Variants in HSPA4 observed in about 807,000 individuals in gnomAD.
HSPA4 encodes heat shock 70 kDa protein 4.
In HSPA4, 25 loss-of-function variants were observed where a neutral mutation model predicts 106.2. The ratio of observed to expected loss-of-function variants is 0.24; its 90% CI spans 0.17 to 0.33. HSPA4 has a LOEUF of 0.33. Ranked by LOEUF, HSPA4 falls within the 10% of genes least tolerant of loss-of-function variation. The probability of loss-of-function intolerance (pLI) is 1.00; values close to 1 mark genes in which losing one functional copy is unlikely to be tolerated. For synonymous variants in HSPA4, 332 were observed against 333.6 expected (o/e 1.00, Z 0.05); for missense variants, 841 against 996.0 (o/e 0.84, Z 2.10).
intron 1 of HSPA4, 86 bp downstream of exon 1, chr5:133,052,443 C>G (rs1765093201): frequency 1.1e-6 from 1 of 948,360 alleles, no homozygotes; most frequent in Non-Finnish European, 1.5e-6. Flanking sequence ...TTGGGGAACG[C>G]GGGCCGAGGA....
intron 6 of HSPA4, 66 bp downstream of exon 6, chr5:133,074,192 A>G (rs1376732595): frequency 6.2e-6 from 7 of 1,120,802 alleles, no homozygotes; most frequent in East Asian, 5.1e-5. Flanking sequence ...TTGAGAGACA[A>G]TGATTTTTTC....
Position 133,102,913 on chromosome 5 carries a change from C to CTTTTTTTTTTTTTTTTTTT in HSPA4, c.2158-935_2158-934insTTTTTTTTTTTTTTTTTTT, listed in dbSNP as rs533273263. On this transcript the variant is annotated intron_variant, in intron 17 of 18. Coordinates refer to ENST00000304858, the MANE Select transcript of HSPA4 (RefSeq NM_002154.4). ...TACCACCACACCCAACTAGGGTTGT[C>CTTTTTTTTTTTTTTTTTTT]TTTTTTTTTTTTTTTTTGAGATGGC... Among the ~76,000 whole-genome samples, 16 of 103,302 alleles carry CTTTTTTTTTTTTTTTTTTT rather than the reference C, an allele frequency of 1.5e-4. 2 individuals are homozygous for CTTTTTTTTTTTTTTTTTTT. The highest frequency in any genetic ancestry group is 3.4e-4 in the African/African-American group (8 of 23,266). The allele number at this position is 103,302 out of a possible 152,430, so 67.8% of individuals were successfully genotyped here. A position where few individuals can be genotyped will look rare whatever the true frequency, so the allele number is the denominator to read the frequency against.
chr5:133,088,153 A>G (rs1383778643), intron 8 of HSPA4, among the ~76,000 whole-genome samples: 1 of 152,116 alleles, frequency 6.6e-6, no homozygotes, highest in Non-Finnish European at 1.5e-5. Flanking sequence ...ACTGCAGTAC[A>G]TTTGAGGATT....
rs1345868345 is a variant in HSPA4, at chr5:133,091,304, T to C, written c.1490T>C (p.Leu497Ser). The change falls in exon 12 of 19, where the codon TTA becomes TCA. Residue 497 changes from leucine (L) to serine (S), a missense_variant. This residue lies in a region of HSPA4 where 162 missense variants were observed against 177.7 expected (regional missense o/e 0.91). Coordinates refer to ENST00000304858, the MANE Select transcript of HSPA4 (RefSeq NM_002154.4). Reference protein sequence around the residue: ...HGIFSVSSASLVEVHKSEENE... With the variant: ...HGIFSVSSASSVEVHKSEENE... ...ATTTTCAGTGTGTCCAGTGCATCTT[T>C]AGTGGAGGTTCACAAGTCTGAGGAA... 2 of 1,614,036 alleles carry C rather than the reference T, an allele frequency of 1.2e-6. No homozygotes were observed. The highest frequency in any genetic ancestry group is 1.1e-5 in the South Asian group (1 of 91,078).
In HSPA4 at chr5:133,104,833, G is replaced by A. The variant is rs1318246015; in HGVS notation, c.*397G>A. 5.0e-6 allele frequency: 1 copy of A among 200,024 alleles called. No individual in the cohort carries two copies. Among genetic ancestry groups the A allele is most frequent in the African/African-American group, 2.4e-5 (1 of 41,974 alleles). 12.4% of individuals were successfully genotyped at this position (200,024 alleles called of 1,614,324 possible). ...AATTATGCTTTAAAAATCTGTTGTG[G>A]AGATTGCTTTAAATGCTCCCTGCCT... On this transcript the variant is annotated 3_prime_UTR_variant, in exon 19 of 19. Transcript: ENST00000304858.
intron 7 of HSPA4, among the ~76,000 whole-genome samples, chr5:133,080,958 A>T (rs1204976122): frequency 6.6e-6 from 1 of 152,218 alleles, no homozygotes; most frequent in East Asian, 1.9e-4. Flanking sequence ...TTATCACCCC[A>T]AAAAGAAAAC....
At chr5:133,082,960 C>T (rs1256803602) in intron 7 of HSPA4, among the ~76,000 whole-genome samples, 1 of 151,778 alleles carries the variant, frequency 6.6e-6, no homozygotes, top group Non-Finnish European at 1.5e-5. Context: ...TATGGTGAAA[C>T]CCCATCTCTA....
rs1423586763 is a variant in HSPA4 at position 133,105,744 on chromosome 5, A to G, written c.*1308A>G. 1 of 152,184 alleles carries G rather than the reference A, an allele frequency of 6.6e-6. No homozygotes were observed. Among genetic ancestry groups the G allele is most frequent in the African/African-American group, 2.4e-5 (1 of 41,438 alleles). 9.4% of individuals were successfully genotyped at this position (152,184 alleles called of 1,614,324 possible). A position where few individuals can be genotyped will look rare whatever the true frequency, so the allele number is the denominator to read the frequency against. ...AGTGCCTCTCTGTTACTTTTGGCCT[A>G]TGTTGTTAGAAATAAGATGCTATCT... On this transcript the variant is annotated 3_prime_UTR_variant, in exon 19 of 19. Coordinates refer to ENST00000304858, the MANE Select transcript of HSPA4 (RefSeq NM_002154.4).
At position 133,067,548 on chromosome 5, in the gene HSPA4, A is replaced by G. The variant is rs775112731; in HGVS notation, c.297A>G (p.Thr99=). The change falls in exon 3 of 19, where the codon ACA becomes ACG. Residue 99 remains threonine, a synonymous_variant. Transcript: ENST00000304858. ...TTGTGCAGTTGCCTACAGGATTAAC[A>G]GGTATAAAGGTAAGGTTGTCAGGTT... ...YDIVQLPTGL[T]GIKVTYMEEE... 82 of 1,611,536 alleles carry G rather than the reference A, an allele frequency of 5.1e-5. No homozygotes were observed. Among genetic ancestry groups the G allele is most frequent in the Non-Finnish European group, 6.8e-5 (80 of 1,178,982 alleles).
chr5:133,070,464 C>G lies in HSPA4; in HGVS notation c.397C>G (p.Leu133Val). The G allele has an allele frequency of 6.2e-7, 1 of 1,613,750 alleles. No homozygotes were observed. Among genetic ancestry groups the G allele is most frequent in the Non-Finnish European group, 8.5e-7 (1 of 1,179,856 alleles). The change falls in exon 4 of 19, where the codon CTT becomes GTT. Residue 133 changes from leucine to valine, a missense_variant. Physicochemically the swap from Leu to Val is conservative, Grantham distance 32. Transcript: ENST00000304858. Reference protein sequence around the residue: ...SKLKETAESVLKKPVVDCVVS... With the variant: ...SKLKETAESVVKKPVVDCVVS... Reference sequence around the variant, plus strand: ...ACTGAAGGAGACAGCCGAAAGTGTTCTTAAGAAGCCTGTAGTTGACTGTGT... The same window carrying G: ...ACTGAAGGAGACAGCCGAAAGTGTTGTTAAGAAGCCTGTAGTTGACTGTGT...
intron 8 of HSPA4, among the ~76,000 whole-genome samples, chr5:133,087,779 A>C (rs1765597275): frequency 6.6e-6 from 1 of 152,008 alleles, no homozygotes; most frequent in Non-Finnish European, 1.5e-5. Context: ...ATGCGCCACT[A>C]CTTCTGGCTA....
chr5:133,063,325 C>T (rs560163862), intron 1 of HSPA4, among the ~76,000 whole-genome samples: 2 of 150,450 alleles, frequency 1.3e-5, no homozygotes, highest in East Asian at 2.0e-4. Context: ...CGCCATGCTG[C>T]CCAGGCTGGT....
chr5:133,094,087 A>G (rs763217592), intron 13 of HSPA4, among the ~76,000 whole-genome samples: 1 of 152,212 alleles, frequency 6.6e-6, no homozygotes, highest in African/African-American at 2.4e-5. Flanking sequence ...GCAAGACTCC[A>G]TCTTAAAAAG....
intron 12 of HSPA4, 85 bp downstream of exon 12, chr5:133,091,459 G>A (rs553586503): frequency 1.7e-5 from 17 of 1,010,054 alleles, no homozygotes; most frequent in African/African-American, 9.7e-5. Flanking sequence ...TGGCAAGGCC[G>A]GAGCATTGTG....
chr5:133,052,151 C>T lies in HSPA4; in HGVS notation c.-100C>T. On this transcript the variant is annotated 5_prime_UTR_variant, in exon 1 of 19. Coordinates refer to ENST00000304858, the MANE Select transcript of HSPA4 (RefSeq NM_002154.4). ...GACACCGCAAGCCCCTCAGTAGCCT[C>T]GGCCCAAGAGGCCTGCTTTCCACTC... The T allele has an allele frequency of 2.6e-6, 2 of 774,676 alleles. No individual in the cohort carries two copies. The highest frequency in any genetic ancestry group is 4.2e-6 in the Non-Finnish European group (2 of 472,580). 48.0% of individuals were successfully genotyped at this position (774,676 alleles called of 1,614,324 possible).
Position 133,103,872 on chromosome 5 carries a change from A to AGTATGATCATTT in HSPA4, c.2167_2178dup (p.Tyr723_Leu726dup). The AGTATGATCATTT allele has an allele frequency of 1.2e-6, 2 of 1,613,534 alleles. No homozygotes were observed. Among genetic ancestry groups the AGTATGATCATTT allele is most frequent in the Non-Finnish European group, 1.7e-6 (2 of 1,179,836 alleles). The stretch of plus-strand genomic sequence containing the variant: ...ACTGTCTCCTGGTTGCAGGAGGACC[A>AGTATGATCATTT]GTATGATCATTTGGATGCTGCTGAC... On this transcript the variant is annotated inframe_insertion, in exon 18 of 19. Coordinates refer to ENST00000304858, the MANE Select transcript of HSPA4 (RefSeq NM_002154.4).
intron 17 of HSPA4, 24 bp downstream of exon 17, chr5:133,101,902 C>CT: frequency 1.7e-6 from 2 of 1,191,394 alleles, no homozygotes; most frequent in Non-Finnish European, 2.3e-6. Flanking sequence ...TTGTCCTACT[C>CT]TTATTTTAGT....
chr5:133,096,218 A>G lies in HSPA4; in HGVS notation c.1771A>G (p.Arg591Gly), dbSNP rs1444479537. The change falls in exon 14 of 19, where the codon AGA (arginine) becomes GGA (glycine). Residue 591 changes from arginine to glycine, a missense_variant. Coordinates refer to ENST00000304858, the MANE Select transcript of HSPA4 (RefSeq NM_002154.4). ...GAATCAGCTATTATGGCAGATAGACAGAGAGATGCTCAACTTGTACATTGA... is the reference window on the plus strand; with the variant it reads ...GAATCAGCTATTATGGCAGATAGACGGAGAGATGCTCAACTTGTACATTGA... ...IENQLLWQID[R>G]EMLNLYIENE... The G allele has an allele frequency of 6.2e-7, 1 of 1,613,898 alleles. No homozygotes were observed. Among genetic ancestry groups the G allele is most frequent in the Non-Finnish European group, 8.5e-7 (1 of 1,179,842 alleles).
rs1180869605 is a variant in HSPA4 at position 133,092,782 on chromosome 5, A to G, written c.1643A>G (p.Glu548Gly). 6.9e-7 allele frequency: 1 copy of G among 1,454,478 alleles called. No homozygotes were observed. Among genetic ancestry groups the G allele is most frequent in the Non-Finnish European group, 9.6e-7 (1 of 1,037,666 alleles). The allele number at this position is 1,454,478 out of a possible 1,614,324, so 90.1% of individuals were successfully genotyped here. The change falls in exon 13 of 19, where the codon GAA becomes GGA. Residue 548 changes from glutamate (E) to glycine (G), a missense_variant. Coordinates refer to ENST00000304858, the MANE Select transcript of HSPA4 (RefSeq NM_002154.4). The stretch of plus-strand genomic sequence containing the variant: ...GCAGAAAATAAGGCAGAGTCTGAAG[A>G]AATGGAGGTATGCATTGGGTGGTGT... ...TPAENKAESE[E>G]METSQAGSKD...
Sources: allele counts gnomAD v4.1 joint callset (sites outside exome capture counted in the v4.1 genomes callset), GRCh38; gene constraint gnomAD v4.1.1; regional missense constraint gnomAD v4.1.1; transcripts MANE v1.5; gene names NCBI Gene and HGNC (gene_info 2026-07-23, HGNC 2026-07-21).